TBX19: variants seen among roughly 807,000 people sequenced by gnomAD.
TBX19 encodes the protein T-box transcription factor TBX19.
Under a neutral mutation model 40.9 loss-of-function variants are expected in TBX19, and 33 were observed. The ratio of observed to expected loss-of-function variants is 0.81; its 90% CI spans 0.61 to 1.08. TBX19 has a LOEUF of 1.08. TBX19 is among the 50% of genes least tolerant of loss of function. TBX19 has a pLI of 0.00. For synonymous variants in TBX19, 220 were observed against 225.0 expected, an observed-to-expected ratio of 0.98 and a Z score of 0.20; for missense variants, 494 against 574.0, an observed-to-expected ratio of 0.86 and a Z score of 1.42.
chr1:168,305,175 C>G lies in TBX19; in HGVS notation c.895C>G (p.His299Asp). 6.2e-7 allele frequency: 1 copy of G among 1,612,656 alleles called. No individual in the cohort carries two copies. The highest frequency in any genetic ancestry group is 8.5e-7 in the Non-Finnish European group (1 of 1,180,010). Residue 299 changes from histidine to aspartate, a missense_variant, in exon 6 of 8, where the codon CAC becomes GAC. Transcript: ENST00000367821. ...GGCTCCCTACCCTTCTGCGTACATG[C>G]ACAGAAACCATTCTCCCTCAGGTCT... ...RQAPYPSAYM[H>D]RNHSPSVNLI...
chr1:168,285,381 T>C (rs1476304154), intron 1 of TBX19, among the ~76,000 whole-genome samples: 1 of 152,062 alleles, frequency 6.6e-6, no homozygotes, highest in Non-Finnish European at 1.5e-5. Flanking sequence ...AAGTTTAACT[T>C]TTTGAATTTG....
chr1:168,298,800 CCCCT>C (rs760506246), intron 4 of TBX19, among the ~76,000 whole-genome samples: 3 of 8,042 alleles, frequency 3.7e-4, no homozygotes, highest in South Asian at 6.0e-3. Flanking sequence ...CTCCTCTCCT[CCCCT>C]CCCTCCCTCC....
intron 1 of TBX19, among the ~76,000 whole-genome samples, chr1:168,287,952 G>C (rs1648843254): frequency 6.6e-6 from 1 of 151,560 alleles, no homozygotes; most frequent in African/African-American, 2.4e-5. Context: ...CTGAGTCCCA[G>C]TTTCCTCATC....
intron 1 of TBX19, among the ~76,000 whole-genome samples, chr1:168,289,642 A>G (rs187198910): frequency 2.6e-4 from 40 of 152,288 alleles, no homozygotes; most frequent in African/African-American, 9.6e-4. Context: ...ACAGCCTCAT[A>G]AAGTTGTTGT....
intron 5 of TBX19, among the ~76,000 whole-genome samples, chr1:168,300,864 G>A (rs1401346031): frequency 6.6e-6 from 1 of 152,170 alleles, no homozygotes; most frequent in African/African-American, 2.4e-5. Context: ...GCTAATTTTG[G>A]AGTTGGTTCC....
intron 6 of TBX19, among the ~76,000 whole-genome samples, chr1:168,306,227 C>T (rs1288015681): frequency 6.6e-6 from 1 of 152,218 alleles, no homozygotes; most frequent in Non-Finnish European, 1.5e-5. Flanking sequence ...TGAGCAGTGG[C>T]TCACTCTACT....
At chr1:168,290,550 A>G (rs1648911839) in intron 1 of TBX19, among the ~76,000 whole-genome samples, 2 of 152,076 alleles carry the variant, frequency 1.3e-5, no homozygotes, top group South Asian at 2.1e-4. Context: ...TTAACATGTA[A>G]CCCTGTTCTT....
At chr1:168,300,587 A>G in intron 5 of TBX19, 104 bp downstream of exon 5, 1 of 1,065,400 alleles carries the variant, frequency 9.4e-7, no homozygotes, top group East Asian at 2.5e-5. Context: ...AAGGACTTCC[A>G]AATCAAAACC....
chr1:168,284,738 G>C (rs6656280), intron 1 of TBX19, among the ~76,000 whole-genome samples: 90,383 of 140,024 alleles, frequency 0.65, 29,058 homozygotes, highest in Non-Finnish European at 0.68. Flanking sequence ...CACTGCACAC[G>C]AGCCTGGGCA....
intron 5 of TBX19, among the ~76,000 whole-genome samples, chr1:168,303,623 G>C (rs533654581): frequency 1.3e-5 from 2 of 152,166 alleles, no homozygotes; most frequent in African/African-American, 4.8e-5. Context: ...TAAAAGAATG[G>C]CTACTTCATA....
intron 5 of TBX19, among the ~76,000 whole-genome samples, chr1:168,304,090 C>A (rs1025758930): frequency 6.6e-6 from 1 of 152,192 alleles, no homozygotes; most frequent in Non-Finnish European, 1.5e-5. Context: ...GGCCCCTATT[C>A]AAGATGGAGT....
At chr1:168,307,193 G>C (rs1203517788) in intron 6 of TBX19, among the ~76,000 whole-genome samples, 1 of 152,184 alleles carries the variant, frequency 6.6e-6, no homozygotes, top group Non-Finnish European at 1.5e-5. Flanking sequence ...ATCGTAAAAA[G>C]AAGAGACATG....
intron 1 of TBX19, among the ~76,000 whole-genome samples, chr1:168,288,377 C>T (rs1406474013): frequency 6.6e-6 from 1 of 151,922 alleles, no homozygotes; most frequent in African/African-American, 2.4e-5. Context: ...ATGTGGAGGC[C>T]TGACTGTACA....
At chr1:168,297,876 T>A in intron 4 of TBX19, 91 bp downstream of exon 4, 3 of 1,129,104 alleles carry the variant, frequency 2.7e-6, no homozygotes, top group Non-Finnish European at 3.9e-6. Flanking sequence ...GGAACTAGAC[T>A]AGTAGCACTT....
chr1:168,285,261 TCACA>T (rs36217752), intron 1 of TBX19, among the ~76,000 whole-genome samples: 9,372 of 147,964 alleles, frequency 0.063, 400 homozygotes, highest in African/African-American at 0.12. Context: ...ACCATGTATG[TCACA>T]CACACACACA....
chr1:168,307,830 A>G lies in TBX19; in HGVS notation c.917-912A>G, dbSNP rs540156624. On this transcript the variant is annotated intron_variant, in intron 6 of 7. Coordinates refer to ENST00000367821, the MANE Select transcript of TBX19 (RefSeq NM_005149.3). ...GTGATTACTGCTGTCAAGCAAATTAACATGTCCATCTCCTCACATAGTTAC... is the reference window on the plus strand; with the variant it reads ...GTGATTACTGCTGTCAAGCAAATTAGCATGTCCATCTCCTCACATAGTTAC... Among the ~76,000 whole-genome samples, 8 of 152,326 alleles carry G rather than the reference A, an allele frequency of 5.3e-5. No homozygotes were observed. In the East Asian group the frequency reaches 1.4e-3, roughly 26 times the overall value.
At chr1:168,284,769 A>G (rs1378129285) in intron 1 of TBX19, among the ~76,000 whole-genome samples, 1 of 14,410 alleles carries the variant, frequency 6.9e-5, no homozygotes, top group African/African-American at 2.3e-4. Context: ...ACCGTGTCTC[A>G]AAAAAAAAAA....
chr1:168,293,748 C>T (rs753227000), intron 3 of TBX19, among the ~76,000 whole-genome samples: 1 of 152,080 alleles, frequency 6.6e-6, no homozygotes, highest in Non-Finnish European at 1.5e-5. Flanking sequence ...AATATCAGCA[C>T]AGTTAGTCTG....
At chr1:168,296,187 A>G (rs1024921348) in intron 3 of TBX19, among the ~76,000 whole-genome samples, 1 of 152,070 alleles carries the variant, frequency 6.6e-6, no homozygotes, top group African/African-American at 2.4e-5. Context: ...ATGCTTTTCT[A>G]CCTCTCCAGG....
Sources: allele counts gnomAD v4.1 joint callset (sites outside exome capture counted in the v4.1 genomes callset), GRCh38; gene constraint gnomAD v4.1.1; transcripts MANE v1.5; gene names NCBI Gene and HGNC (gene_info 2026-07-23, HGNC 2026-07-21).